The following TNNI3K variants were observed in gnomAD, a reference collection of about 807,000 sequenced individuals.
The protein encoded by TNNI3K is TNNI3 interacting kinase, also known as serine/threonine-protein kinase TNNI3K.
A neutral mutation model predicts 114.5 loss-of-function variants in TNNI3K; 140 were observed. The observed-to-expected ratio is 1.22, with a 90% CI of 1.07 to 1.41. The LOEUF (loss-of-function observed/expected upper bound fraction) is 1.41, where lower values mean the gene tolerates loss of function less well. TNNI3K is among the 40% of genes most tolerant of loss of function. The pLI, the probability that TNNI3K is intolerant of heterozygous loss-of-function variation, is 0.00. For missense variants in TNNI3K, 1,125 were observed against 1,007.6 expected (o/e 1.12, Z -1.58); for synonymous variants, 347 against 347.5 (o/e 1.00, Z 0.02).
chr1:74,274,520 T>C (rs1012618391), intron 5 of TNNI3K, among the ~76,000 whole-genome samples: 7 of 152,054 alleles, frequency 4.6e-5, no homozygotes, highest in Admixed American at 2.6e-4. Context: ...AATATAGGAA[T>C]GATACAACAA....
rs60688934 is a variant in TNNI3K, at chr1:74,543,064, C to CTTTTTTTTTTTTTTTTTTTTTTTTTT, written c.2432-838_2432-813dup. Among the ~76,000 whole-genome samples, 19 of 6,750 alleles carry CTTTTTTTTTTTTTTTTTTTTTTTTTT rather than the reference C, an allele frequency of 2.8e-3. 9 individuals are homozygous for CTTTTTTTTTTTTTTTTTTTTTTTTTT. Among genetic ancestry groups the CTTTTTTTTTTTTTTTTTTTTTTTTTT allele is most frequent in the African/African-American group, 2.1e-3 (5 of 2,370 alleles). The allele number at this position is 6,750 out of a possible 152,430, so 4.4% of individuals were successfully genotyped here. A position where few individuals can be genotyped will look rare whatever the true frequency, so the allele number is the denominator to read the frequency against. On this transcript the variant is annotated intron_variant, in intron 24 of 24. Transcript: ENST00000326637. ...CTTTTCCTTTTCTTTTTCTTTTTCC[C>CTTTTTTTTTTTTTTTTTTTTTTTTTT]TTTTTTTTTTTTTTTTTTTTTTTTT...
chr1:74,325,765 T>A (rs887119649), intron 5 of TNNI3K, among the ~76,000 whole-genome samples: 2 of 152,088 alleles, frequency 1.3e-5, no homozygotes, highest in Non-Finnish European at 2.9e-5. Flanking sequence ...AGGACAATAG[T>A]TGGAGGGGAC....
Position 74,250,668 on chromosome 1 carries a change from TAAGGC to T in TNNI3K, c.236_240del (p.Gly79GlufsTer33). 1 of 1,607,672 alleles carries T rather than the reference TAAGGC, an allele frequency of 6.2e-7. No individual in the cohort carries two copies. Among genetic ancestry groups the T allele is most frequent in the Non-Finnish European group, 8.5e-7 (1 of 1,178,122 alleles). ...TTTAGCCTTTTTTCATTTTTCTCTT[TAAGGC>T]AAGAAATCACATATTCGAACTCTTA... On this transcript the variant is annotated splice_acceptor_variant and splice_polypyrimidine_tract_variant and coding_sequence_variant and intron_variant, in exon 4 of 25. Transcript: ENST00000326637. LOFTEE classifies it high-confidence loss of function.
chr1:74,296,867 T>C (rs186657854), intron 5 of TNNI3K, among the ~76,000 whole-genome samples: 2 of 152,280 alleles, frequency 1.3e-5, no homozygotes, highest in East Asian at 3.9e-4. Context: ...TTTCCGTTGG[T>C]GTTATCAGTT....
intron 2 of TNNI3K, among the ~76,000 whole-genome samples, chr1:74,248,352 T>G (rs1654717864): frequency 6.6e-6 from 1 of 152,060 alleles, no homozygotes; most frequent in Admixed American, 6.5e-5. Context: ...AGAGAGGGGC[T>G]CCCACAGTGC....
intron 23 of TNNI3K, among the ~76,000 whole-genome samples, chr1:74,507,073 T>C (rs1344940448): frequency 2.0e-5 from 3 of 152,204 alleles, no homozygotes; most frequent in Admixed American, 2.0e-4. Flanking sequence ...TATCTTAATT[T>C]AGTTACAAAT....
chr1:74,253,298 C>T lies in TNNI3K; in HGVS notation c.333+2529C>T, dbSNP rs568024035. Among the ~76,000 whole-genome samples, 16 of 152,300 alleles carry T rather than the reference C, an allele frequency of 1.1e-4. No individual in the cohort carries two copies. In the East Asian group the frequency reaches 1.4e-3, roughly 13 times the overall value. ...CACCCAGTGGATCCCGCACAGGGGC[C>T]GCAGGTGGAGCTGCCTGCCAGTCCC... On this transcript the variant is annotated intron_variant, in intron 4 of 24. Transcript: ENST00000326637.
intron 2 of TNNI3K, among the ~76,000 whole-genome samples, chr1:74,238,550 G>A (rs1434134492): frequency 6.6e-6 from 1 of 152,038 alleles, no homozygotes; most frequent in East Asian, 1.9e-4. Context: ...TTTTTATGAA[G>A]AGGATGATTT....
At chr1:74,480,592 A>G (rs1668440251) in intron 21 of TNNI3K, 1 of 717,174 alleles carries the variant, frequency 1.4e-6, no homozygotes, top group African/African-American at 1.7e-5. Flanking sequence ...GACTGTGGAG[A>G]TTCGTGCCTC....
chr1:74,484,792 A>T (rs1668669123), intron 21 of TNNI3K, among the ~76,000 whole-genome samples: 5 of 152,140 alleles, frequency 3.3e-5, no homozygotes, highest in African/African-American at 7.2e-5. Context: ...AACCCAAATA[A>T]CATGGGAAGT....
chr1:74,297,910 TG>T (rs1187194363), intron 5 of TNNI3K, among the ~76,000 whole-genome samples: 4 of 152,142 alleles, frequency 2.6e-5, no homozygotes, highest in Admixed American at 1.3e-4. Context: ...ACTTCTCAAT[TG>T]GAGAGTTTCA....
chr1:74,480,766 C>T (rs1213264983), intron 21 of TNNI3K: 1 of 717,440 alleles, frequency 1.4e-6, no homozygotes, highest in Non-Finnish European at 2.6e-6. Context: ...GATCAGTGAG[C>T]GAAGAGCTGG....
At chr1:74,436,448 C>G (rs200123270) in intron 18 of TNNI3K, 26 bp from the exon 19 acceptor site, 1 of 1,562,782 alleles carries the variant, frequency 6.4e-7, no homozygotes, top group African/African-American at 1.4e-5. Context: ...TTTCCTTTGA[C>G]GTGATTTATT....
intron 20 of TNNI3K, among the ~76,000 whole-genome samples, chr1:74,462,046 G>A (rs1207317105): frequency 6.6e-6 from 1 of 152,192 alleles, no homozygotes; most frequent in South Asian, 2.1e-4. Context: ...GGTCAATGAT[G>A]TAAAGTATAA....
chr1:74,356,433 T>A (rs1291045661), intron 11 of TNNI3K, among the ~76,000 whole-genome samples: 1 of 152,186 alleles, frequency 6.6e-6, no homozygotes, highest in African/African-American at 2.4e-5. Flanking sequence ...TAGGTAGCTC[T>A]ATATCTTAAT....
chr1:74,249,030 CAACA>C (rs1355488464), intron 2 of TNNI3K, among the ~76,000 whole-genome samples: 1 of 152,020 alleles, frequency 6.6e-6, no homozygotes, highest in Non-Finnish European at 1.5e-5. Flanking sequence ...TTATATTTGA[CAACA>C]ATTTTCTGAT....
At chr1:74,479,821 G>T (rs1478740294) in intron 21 of TNNI3K, among the ~76,000 whole-genome samples, 1 of 152,186 alleles carries the variant, frequency 6.6e-6, no homozygotes, top group East Asian at 1.9e-4. Flanking sequence ...AAGGATGATT[G>T]ATGAAATATA....
intron 23 of TNNI3K, among the ~76,000 whole-genome samples, chr1:74,512,090 C>CA (rs1670256352): frequency 1.3e-5 from 2 of 152,142 alleles, no homozygotes; most frequent in African/African-American, 4.8e-5. Context: ...AGGCAGTGAG[C>CA]ATGAAAAGAT....
intron 17 of TNNI3K, among the ~76,000 whole-genome samples, chr1:74,384,749 A>G (rs184354864): frequency 6.6e-6 from 1 of 152,172 alleles, no homozygotes; most frequent in Non-Finnish European, 1.5e-5. Context: ...TGAAAAAAAC[A>G]GTGGCAACGT....
Sources: gnomAD v4.1 joint callset for allele counts (sites outside exome capture counted in the v4.1 genomes callset) on GRCh38, gnomAD v4.1.1 for gene constraint, MANE v1.5 for transcripts, NCBI Gene and HGNC (gene_info 2026-07-23, HGNC 2026-07-21) for gene names.